Variants in LOXHD1 observed in about 807,000 individuals in gnomAD.
LOXHD1 encodes lipoxygenase homology domain-containing protein 1.
In LOXHD1, 205 loss-of-function variants were observed where a neutral mutation model predicts 248.2. That is an observed-to-expected ratio of 0.83 (90% CI 0.74 to 0.93). The LOEUF (loss-of-function observed/expected upper bound fraction) is 0.93. Among genes scored for constraint, LOXHD1 ranks in the 40% least tolerant of loss-of-function variants. LOXHD1 has a pLI of 0.00. For missense variants in LOXHD1, 2,930 were observed against 2,971.6 expected (o/e 0.99, Z 0.33); for synonymous variants, 1,113 against 1,162.8 (o/e 0.96, Z 0.87).
intron 4 of LOXHD1, among the ~76,000 whole-genome samples, chr18:46,618,921 C>G (rs757649818): frequency 2.0e-4 from 30 of 152,210 alleles, no homozygotes; most frequent in Non-Finnish European, 3.8e-4. Context: ...TGTATCTTTG[C>G]TCCATTCATT....
intron 4 of LOXHD1, among the ~76,000 whole-genome samples, chr18:46,619,524 C>T (rs16939800): frequency 0.11 from 16,449 of 152,244 alleles, 987 homozygotes; most frequent in Middle Eastern, 0.15. Flanking sequence ...TAGATAATCT[C>T]TCCCACATAC....
At chr18:46,628,026 C>G (rs966226005) in intron 4 of LOXHD1, among the ~76,000 whole-genome samples, 1 of 152,218 alleles carries the variant, frequency 6.6e-6, no homozygotes, top group Non-Finnish European at 1.5e-5. Flanking sequence ...CCCATTGAAT[C>G]ACTGAATGAA....
At chr18:46,557,532 C>T in intron 20 of LOXHD1, 43 bp from the exon 21 acceptor site, 1 of 1,550,724 alleles carries the variant, frequency 6.4e-7, no homozygotes, top group Non-Finnish European at 8.7e-7. Flanking sequence ...AGACCTACCC[C>T]TCCCCACATG....
intron 30 of LOXHD1, 22 bp downstream of exon 30, chr18:46,524,686 C>A (rs1346796804): frequency 6.4e-7 from 1 of 1,551,648 alleles, no homozygotes; most frequent in East Asian, 2.4e-5. Flanking sequence ...TGGCCACAGG[C>A]CCTATATACC....
intron 12 of LOXHD1, among the ~76,000 whole-genome samples, chr18:46,580,477 C>G (rs1793842528): frequency 6.6e-6 from 1 of 152,198 alleles, no homozygotes; most frequent in South Asian, 2.1e-4. Context: ...GGGGGTAGAC[C>G]TGCATCCCTG....
At chr18:46,607,623 A>G (rs550278600) in intron 6 of LOXHD1, among the ~76,000 whole-genome samples, 1 of 152,014 alleles carries the variant, frequency 6.6e-6, no homozygotes, top group African/African-American at 2.4e-5. Context: ...TTTTATGATG[A>G]ACATGTATTA....
Position 46,521,285 on chromosome 18 carries a change from A to G in LOXHD1, c.5086-3T>C, listed in dbSNP as rs532371789. 6.4e-7 allele frequency: 1 copy of G among 1,551,658 alleles called. No individual in the cohort carries two copies. Among genetic ancestry groups the G allele is most frequent in the African/African-American group, 1.4e-5 (1 of 73,176 alleles). Reference sequence around the variant, plus strand: ...GGGGAGGCCCCGTCATGGCCCAGCTAGGAGGAGACACACCTGATCTGTGAC... The same window carrying G: ...GGGGAGGCCCCGTCATGGCCCAGCTGGGAGGAGACACACCTGATCTGTGAC... On this transcript the variant is annotated splice_polypyrimidine_tract_variant and splice_region_variant and intron_variant, in intron 32 of 40. Transcript: ENST00000642948.
At chr18:46,629,825 A>T (rs1164062955) in intron 4 of LOXHD1, among the ~76,000 whole-genome samples, 1 of 151,326 alleles carries the variant, frequency 6.6e-6, no homozygotes, top group Admixed American at 6.6e-5. Flanking sequence ...AGAAAGAAAG[A>T]AAAAAAGGCA....
chr18:46,537,813 C>G (rs112696192), intron 26 of LOXHD1, among the ~76,000 whole-genome samples: 1 of 152,306 alleles, frequency 6.6e-6, no homozygotes, highest in African/African-American at 2.4e-5. Flanking sequence ...CAGCAGAACC[C>G]CACAACCAGC....
chr18:46,626,210 G>C (rs1020859781), intron 4 of LOXHD1, among the ~76,000 whole-genome samples: 1 of 152,064 alleles, frequency 6.6e-6, no homozygotes, highest in Non-Finnish European at 1.5e-5. Context: ...AGATTTGGGG[G>C]GTGACATATA....
chr18:46,610,915 C>T lies in LOXHD1; in HGVS notation c.620G>A (p.Arg207Lys), dbSNP rs2038498362. ...FGEYGDTGER[R>K]LENEKDNFEK... The stretch of plus-strand genomic sequence containing the variant: ...AAAGTTGTCCTTTTCATTTTCTAGC[C>T]TACGCTCCCCTGTATGCACAGACAT... The change falls in exon 6 of 41, where the codon AGG becomes AAG. Residue 207 changes from arginine (R) to lysine (K), a missense_variant. By Grantham distance (26) the Arg-to-Lys change is conservative. Transcript: ENST00000642948. The T allele has an allele frequency of 1.3e-6, 2 of 1,551,828 alleles. No individual in the cohort carries two copies. Among genetic ancestry groups the T allele is most frequent in the Middle Eastern group, 1.7e-4 (1 of 5,990 alleles).
At chr18:46,613,194 C>T (rs2038534220) in intron 5 of LOXHD1, among the ~76,000 whole-genome samples, 1 of 152,038 alleles carries the variant, frequency 6.6e-6, no homozygotes, top group Admixed American at 6.5e-5. Flanking sequence ...GGAAAATTTG[C>T]CATATTAATG....
At chr18:46,494,450 C>T (rs564958194) in intron 37 of LOXHD1, among the ~76,000 whole-genome samples, 74 of 152,316 alleles carry the variant, frequency 4.9e-4, no homozygotes, top group African/African-American at 1.8e-3. Flanking sequence ...GCTAAGGATT[C>T]ATCTAGGTAA....
intron 6 of LOXHD1, among the ~76,000 whole-genome samples, chr18:46,609,696 A>G (rs2038475881): frequency 6.6e-6 from 1 of 152,142 alleles, no homozygotes; most frequent in Non-Finnish European, 1.5e-5. Flanking sequence ...TTGGTATTTT[A>G]TATCTTCTCT....
intron 17 of LOXHD1, among the ~76,000 whole-genome samples, chr18:46,563,601 C>A (rs1045963460): frequency 2.0e-5 from 3 of 152,140 alleles, no homozygotes; most frequent in Non-Finnish European, 4.4e-5. Context: ...ATGTCATTGC[C>A]ATTGTAACCG....
At chr18:46,481,371 A>G (rs371974633) in intron 40 of LOXHD1, among the ~76,000 whole-genome samples, 1 of 152,126 alleles carries the variant, frequency 6.6e-6, no homozygotes, top group East Asian at 1.9e-4. Context: ...AGGCTTGAGA[A>G]TTGCAGGTGA....
At chr18:46,646,368 T>C (rs1206837691) in intron 2 of LOXHD1, among the ~76,000 whole-genome samples, 1 of 152,164 alleles carries the variant, frequency 6.6e-6, no homozygotes, top group African/African-American at 2.4e-5. Context: ...GCAATGCCCC[T>C]CCCAGACCTG....
chr18:46,604,332 T>C, intron 6 of LOXHD1, 103 bp from the exon 7 acceptor site: 1 of 1,436,220 alleles, frequency 7.0e-7, no homozygotes. Flanking sequence ...TTTAAGAATG[T>C]ACTGATATCT....
rs727505122 is a variant in LOXHD1, at chr18:46,534,357, C to T, written c.4190G>A (p.Arg1397His). ...CACGTCTTTATCCGGGAGGAGCCTG[C>T]GGATGTCCACGTGAGAGCAGTGCCA... is the stretch of plus-strand genomic sequence containing the variant. ...PGWHCSHVDI[R>H]RLLPDKDGAE... Residue 1397 changes from arginine to histidine, a missense_variant, in exon 27 of 41, where the codon CGC (arginine) becomes CAC (histidine). Physicochemically the swap from Arg to His is conservative, Grantham distance 29 (BLOSUM62 0). Transcript: ENST00000642948. 1.8e-5 allele frequency: 28 copies of T among 1,551,262 alleles called. No homozygotes were observed. The South Asian group carries it at 2.4e-4, about 13-fold the overall frequency.
Sources: gnomAD v4.1 joint callset for allele counts (sites outside exome capture counted in the v4.1 genomes callset) on GRCh38, gnomAD v4.1.1 for gene constraint, MANE v1.5 for transcripts, NCBI Gene and HGNC (gene_info 2026-07-23, HGNC 2026-07-21) for gene names.